KHDRBS2: variants seen among roughly 807,000 people sequenced by gnomAD.
The protein encoded by KHDRBS2 is KH RNA binding domain containing, signal transduction associated 2.
Under a neutral mutation model 44.3 loss-of-function variants are expected in KHDRBS2, and 26 were observed. That is an observed-to-expected ratio of 0.59 (90% CI 0.43 to 0.81). The LOEUF is 0.81. KHDRBS2 is among the 40% of genes least tolerant of loss of function. KHDRBS2 has a pLI of 0.00. For synonymous variants in KHDRBS2, 194 were observed against 151.1 expected, an observed-to-expected ratio of 1.28 and a Z score of -2.08; for missense variants, 476 against 433.1, an observed-to-expected ratio of 1.10 and a Z score of -0.88.
intron 2 of KHDRBS2, among the ~76,000 whole-genome samples, chr6:62,076,788 T>A (rs1246466549): frequency 1.3e-5 from 2 of 152,000 alleles, no homozygotes; most frequent in Non-Finnish European, 2.9e-5. Flanking sequence ...ACACCTGTAA[T>A]CCCAACACTT....
intron 3 of KHDRBS2, among the ~76,000 whole-genome samples, chr6:61,994,296 A>G (rs1259635583): frequency 2.6e-5 from 4 of 152,172 alleles, no homozygotes; most frequent in Non-Finnish European, 4.4e-5. Flanking sequence ...AGGCATTGGG[A>G]TAGAACTCAC....
intron 6 of KHDRBS2, among the ~76,000 whole-genome samples, chr6:61,756,363 C>A (rs1048500845): frequency 1.3e-4 from 19 of 151,944 alleles, no homozygotes; most frequent in African/African-American, 4.1e-4. Flanking sequence ...TTCAATCAAT[C>A]GATTCTCCTG....
At chr6:62,242,690 TC>T (rs1834884263) in intron 1 of KHDRBS2, among the ~76,000 whole-genome samples, 1 of 152,132 alleles carries the variant, frequency 6.6e-6, no homozygotes, top group African/African-American at 2.4e-5. Context: ...CAAAATACAG[TC>T]TTCAGTAGCA....
chr6:62,214,903 C>T lies in KHDRBS2; in HGVS notation c.92-37591G>A, dbSNP rs543506078. On this transcript the variant is annotated intron_variant, in intron 1 of 8. Transcript: ENST00000281156. ...TTGTCTCTTCTATCAACAATTCCAA[C>T]TGTACGTTCTTCTTCATTTGACATT... Among the ~76,000 whole-genome samples, 7 of 152,096 alleles carry T rather than the reference C, an allele frequency of 4.6e-5. 1 individual carries two copies. The highest frequency in any genetic ancestry group is 3.3e-4 in the Admixed American group (5 of 15,260).
At chr6:61,561,151 C>T in the KHDRBS2 span, among the ~76,000 whole-genome samples, 160 of 152,212 alleles carry the variant, frequency 1.1e-3, no homozygotes, top group African/African-American at 3.7e-3. Context: ...AGAGACTTGT[C>T]TTCTCTTCCC....
the KHDRBS2 span, among the ~76,000 whole-genome samples, chr6:61,589,128 G>C: frequency 6.6e-6 from 1 of 152,154 alleles, no homozygotes; most frequent in South Asian, 2.1e-4. Context: ...AATGCATGCA[G>C]GACATAAAAT....
chr6:62,238,393 G>A (rs1834047296), intron 1 of KHDRBS2, among the ~76,000 whole-genome samples: 1 of 152,062 alleles, frequency 6.6e-6, no homozygotes, highest in African/African-American at 2.4e-5. Flanking sequence ...AAAGGTTTTT[G>A]TAATTCCAAC....
intron 6 of KHDRBS2, among the ~76,000 whole-genome samples, chr6:61,834,767 A>C (rs1792385246): frequency 6.6e-6 from 1 of 152,052 alleles, no homozygotes; most frequent in African/African-American, 2.4e-5. Flanking sequence ...ATCTTAATGC[A>C]TAGGAGTCTT....
At chr6:61,720,079 T>G (rs931389041) in intron 7 of KHDRBS2, among the ~76,000 whole-genome samples, 1 of 152,170 alleles carries the variant, frequency 6.6e-6, no homozygotes, top group Non-Finnish European at 1.5e-5. Flanking sequence ...ATTTCCAATT[T>G]CATCCATGTC....
At chr6:61,994,515 T>C (rs1315376473) in intron 3 of KHDRBS2, among the ~76,000 whole-genome samples, 2 of 152,202 alleles carry the variant, frequency 1.3e-5, no homozygotes, top group Non-Finnish European at 2.9e-5. Context: ...AATGTTAATG[T>C]ATTAATGTAA....
At chr6:61,975,672 C>CAT (rs961852136) in intron 4 of KHDRBS2, among the ~76,000 whole-genome samples, 1 of 137,520 alleles carries the variant, frequency 7.3e-6, no homozygotes, top group African/African-American at 2.6e-5. Context: ...CACACACACA[C>CAT]ACACACACAG....
chr6:61,603,606 C>T, the KHDRBS2 span, among the ~76,000 whole-genome samples: 28 of 152,232 alleles, frequency 1.8e-4, no homozygotes, highest in Admixed American at 5.9e-4. Context: ...CAATGACTGC[C>T]GCTGCCTTAA....
chr6:62,113,091 G>C (rs568843715), intron 2 of KHDRBS2, among the ~76,000 whole-genome samples: 1 of 152,016 alleles, frequency 6.6e-6, no homozygotes, highest in South Asian at 2.1e-4. Context: ...TGAATGGATT[G>C]CCTCAAATAT....
At chr6:62,202,834 A>G (rs540137329) in intron 1 of KHDRBS2, among the ~76,000 whole-genome samples, 2 of 152,298 alleles carry the variant, frequency 1.3e-5, no homozygotes, top group South Asian at 4.1e-4. Context: ...GTTCTGAGAA[A>G]TGAGGGATGA....
In KHDRBS2 at chr6:62,072,436, T is replaced by C. The variant is rs139474521; in HGVS notation, c.220-24442A>G. ...CTTCTGCCAGTTTTCAAAGGGAATGTTTCCAATTTTTGCCCATTCATTATG... is the reference window on the plus strand; with the variant it reads ...CTTCTGCCAGTTTTCAAAGGGAATGCTTCCAATTTTTGCCCATTCATTATG... On this transcript the variant is annotated intron_variant, in intron 2 of 8. Transcript: ENST00000281156. Among the ~76,000 whole-genome samples the C allele has an allele frequency of 1.2e-3, 176 of 152,234 alleles. 2 individuals are homozygous for C. The East Asian group carries it at 0.014, about 12-fold the overall frequency.
chr6:61,581,440 T>C, the KHDRBS2 span, among the ~76,000 whole-genome samples: 1 of 151,274 alleles, frequency 6.6e-6, no homozygotes, highest in African/African-American at 2.4e-5. Flanking sequence ...ATGGCAAAAT[T>C]AATGTCAAAT....
At chr6:61,677,656 A>C (rs1343603139), downstream of KHDRBS2, among the ~76,000 whole-genome samples, 1 of 151,888 alleles carries the variant, frequency 6.6e-6, no homozygotes, top group African/African-American at 2.4e-5. Context: ...TTTCCTTATA[A>C]AATTTGAACA....
intron 1 of KHDRBS2, among the ~76,000 whole-genome samples, chr6:62,246,100 T>TC: frequency 1.4e-4 from 8 of 57,950 alleles, no homozygotes; most frequent in African/African-American, 6.0e-4. Flanking sequence ...ATTCAATCAA[T>TC]TTTATATATA....
chr6:61,977,288 G>T (rs1192429), intron 4 of KHDRBS2, among the ~76,000 whole-genome samples: 1 of 151,892 alleles, frequency 6.6e-6, no homozygotes, highest in Non-Finnish European at 1.5e-5. Context: ...TCTTCTAATT[G>T]TCTTATTCCC....
Sources: allele counts gnomAD v4.1 joint callset (sites outside exome capture counted in the v4.1 genomes callset), GRCh38; gene constraint gnomAD v4.1.1; transcripts MANE v1.5; gene names NCBI Gene and HGNC (gene_info 2026-07-23, HGNC 2026-07-21).